The following ZFAND3 variants were observed in gnomAD, a reference collection of about 807,000 sequenced individuals.
ZFAND3 encodes the protein AN1-type zinc finger protein 3.
A neutral mutation model predicts 29.6 loss-of-function variants in ZFAND3; 10 were observed. That is an observed-to-expected ratio of 0.34 (90% confidence interval 0.21 to 0.57). ZFAND3 has a LOEUF of 0.57. Ranked by LOEUF, ZFAND3 falls within the 20% of genes least tolerant of loss-of-function variation. ZFAND3 has a pLI of 0.86. For synonymous variants in ZFAND3, 128 were observed against 112.6 expected, an observed-to-expected ratio of 1.14 and a Z score of -0.87; for missense variants, 230 against 304.5, an observed-to-expected ratio of 0.76 and a Z score of 1.82.
chr6:38,144,779 T>C (rs1766070152), intron 5 of ZFAND3, among the ~76,000 whole-genome samples: 1 of 152,240 alleles, frequency 6.6e-6, no homozygotes, highest in Admixed American at 6.5e-5. Flanking sequence ...TGAGGGAGCT[T>C]CCAAGTGAGG....
At chr6:37,976,252 TAA>T (rs1762475769) in intron 2 of ZFAND3, among the ~76,000 whole-genome samples, 1 of 152,164 alleles carries the variant, frequency 6.6e-6, no homozygotes, top group Non-Finnish European at 1.5e-5. Flanking sequence ...GGGTTTTCTA[TAA>T]AGATGTATTA....
chr6:38,134,604 A>T (rs1765805220), intron 5 of ZFAND3, among the ~76,000 whole-genome samples: 3 of 152,156 alleles, frequency 2.0e-5, no homozygotes, highest in Non-Finnish European at 2.9e-5. Context: ...TGGAGCCTGA[A>T]TCCTTTATTT....
At chr6:37,934,183 C>T (rs556402801) in intron 2 of ZFAND3, among the ~76,000 whole-genome samples, 12 of 148,896 alleles carry the variant, frequency 8.1e-5, no homozygotes, top group South Asian at 4.2e-4. Context: ...CCACTGCGCC[C>T]GGCCCTTTTT....
chr6:37,951,392 G>A lies in ZFAND3; in HGVS notation c.112+21393G>A, dbSNP rs376760725. Among the ~76,000 whole-genome samples, 55 of 152,014 alleles carry A rather than the reference G, an allele frequency of 3.6e-4. No homozygotes were observed. The East Asian group carries it at 5.0e-3, about 14-fold the overall frequency. On this transcript the variant is annotated intron_variant, in intron 2 of 5. Transcript: ENST00000287218. ...CGAATCACGAGGTCAGGAGATTGAG[G>A]CCATCCTGGCTAACATGGTGAAACC...
intron 1 of ZFAND3, among the ~76,000 whole-genome samples, chr6:37,899,638 C>T (rs1434471793): frequency 6.6e-6 from 1 of 151,916 alleles, no homozygotes; most frequent in Non-Finnish European, 1.5e-5. Flanking sequence ...TAATTTTAGC[C>T]CTTATGTTTT....
At chr6:37,843,906 A>AT (rs1056559131) in intron 1 of ZFAND3, among the ~76,000 whole-genome samples, 2 of 150,986 alleles carry the variant, frequency 1.3e-5, no homozygotes, top group Non-Finnish European at 1.5e-5. Context: ...CAATAAGATT[A>AT]TTTTTTTTCT....
At chr6:37,869,381 A>T (rs903327272) in intron 1 of ZFAND3, among the ~76,000 whole-genome samples, 1 of 151,774 alleles carries the variant, frequency 6.6e-6, no homozygotes, top group African/African-American at 2.4e-5. Flanking sequence ...CTGGTCTCGA[A>T]CTCCTGACCT....
intron 1 of ZFAND3, among the ~76,000 whole-genome samples, chr6:37,867,675 G>A (rs1764613635): frequency 6.6e-6 from 1 of 151,926 alleles, no homozygotes; most frequent in Non-Finnish European, 1.5e-5. Flanking sequence ...CTGCCTATTC[G>A]CCATAGTTAC....
chr6:38,062,039 G>A (rs1292122296), intron 3 of ZFAND3, among the ~76,000 whole-genome samples: 17 of 152,182 alleles, frequency 1.1e-4, no homozygotes, highest in Admixed American at 1.1e-3. Context: ...AGAATCCACT[G>A]GGGGTTTTTA....
rs373814058 is a variant in ZFAND3 at position 38,100,565 on chromosome 6, C to G, written c.362-16007C>G. On this transcript the variant is annotated intron_variant, in intron 4 of 5. Coordinates refer to ENST00000287218, the MANE Select transcript of ZFAND3 (RefSeq NM_021943.3). ...GGTAAGTTTTGACTTCACTGCAAACCCGGAGAAGCATGAGTTCTGACCCTA... is the reference window on the plus strand; with the variant it reads ...GGTAAGTTTTGACTTCACTGCAAACGCGGAGAAGCATGAGTTCTGACCCTA... Among the ~76,000 whole-genome samples, 11 of 152,220 alleles carry G rather than the reference C, an allele frequency of 7.2e-5. No individual in the cohort carries two copies. The East Asian group carries it at 2.1e-3, about 29-fold the overall frequency.
At chr6:38,122,803 A>T (rs1765560667) in intron 5 of ZFAND3, among the ~76,000 whole-genome samples, 1 of 152,244 alleles carries the variant, frequency 6.6e-6, no homozygotes, top group African/African-American at 2.4e-5. Flanking sequence ...TTATAGTGAT[A>T]TGGAGAGGGA....
intron 5 of ZFAND3, among the ~76,000 whole-genome samples, chr6:38,146,006 T>A (rs925667548): frequency 6.6e-6 from 1 of 152,238 alleles, no homozygotes; most frequent in African/African-American, 2.4e-5. Flanking sequence ...GCCATAATCT[T>A]GTGTCTTTGG....
chr6:38,061,826 A>C (rs1764247193), intron 3 of ZFAND3, 51 bp downstream of exon 3: 1 of 1,586,918 alleles, frequency 6.3e-7, no homozygotes. Context: ...TAAGAACTTT[A>C]GATGAGCATC....
chr6:37,892,993 T>G (rs892544413), intron 1 of ZFAND3, among the ~76,000 whole-genome samples: 1 of 152,134 alleles, frequency 6.6e-6, no homozygotes, highest in African/African-American at 2.4e-5. Context: ...TAGCTCTAGA[T>G]GGAATTCTGA....
At chr6:38,037,774 AG>A (rs1763688102) in intron 2 of ZFAND3, among the ~76,000 whole-genome samples, 1 of 152,194 alleles carries the variant, frequency 6.6e-6, no homozygotes, top group Non-Finnish European at 1.5e-5. Flanking sequence ...GCGGGCGTGT[AG>A]GTTATGCGCT....
At chr6:37,993,183 G>GA (rs550623561) in intron 2 of ZFAND3, among the ~76,000 whole-genome samples, 55 of 148,864 alleles carry the variant, frequency 3.7e-4, no homozygotes, top group East Asian at 9.8e-4. Flanking sequence ...TTTTAATCTA[G>GA]AAAAAAAAAC....
At chr6:37,932,433 C>T (rs949733389) in intron 2 of ZFAND3, among the ~76,000 whole-genome samples, 1 of 152,160 alleles carries the variant, frequency 6.6e-6, no homozygotes, top group Non-Finnish European at 1.5e-5. Context: ...AATCCCAAAT[C>T]TGAAATGCTC....
intron 2 of ZFAND3, among the ~76,000 whole-genome samples, chr6:38,021,156 T>G (rs9470748): frequency 0.011 from 1,716 of 152,326 alleles, 30 homozygotes; most frequent in African/African-American, 0.039. Context: ...GAAGCTCTCA[T>G]TAAAGTTGTA....
chr6:38,098,497 T>G (rs944360535), intron 4 of ZFAND3, among the ~76,000 whole-genome samples: 73 of 149,900 alleles, frequency 4.9e-4, no homozygotes, highest in African/African-American at 1.7e-3. Context: ...AAAACAGTAT[T>G]GCCCATCTTT....
Sources: gnomAD v4.1 joint callset for allele counts (sites outside exome capture counted in the v4.1 genomes callset) on GRCh38, gnomAD v4.1.1 for gene constraint, MANE v1.5 for transcripts, NCBI Gene and HGNC (gene_info 2026-07-23, HGNC 2026-07-21) for gene names.